PRKN: variants seen among roughly 807,000 people sequenced by gnomAD.
PRKN encodes E3 ubiquitin-protein ligase parkin.
A neutral mutation model predicts 59.5 loss-of-function variants in PRKN; 56 were observed. The observed-to-expected ratio is 0.94, with a 90% CI of 0.76 to 1.18. The LOEUF (loss-of-function observed/expected upper bound fraction) is 1.18. Ranked by LOEUF, PRKN falls within the 50% of genes most tolerant of loss-of-function variation. The pLI is 0.00. For synonymous variants in PRKN, 250 were observed against 222.1 expected (o/e 1.13, Z -1.12); for missense variants, 657 against 596.4 (o/e 1.10, Z -1.06).
chr6:162,312,480 C>A (rs10447369), intron 2 of PRKN, among the ~76,000 whole-genome samples: 60,894 of 151,968 alleles, frequency 0.4, 14,494 homozygotes, highest in Non-Finnish European at 0.53. Context: ...CTCCATCACC[C>A]CAGTCACTGA....
chr6:162,097,983 C>T (rs1779811640), intron 4 of PRKN, among the ~76,000 whole-genome samples: 1 of 152,218 alleles, frequency 6.6e-6, no homozygotes, highest in South Asian at 2.1e-4. Flanking sequence ...CAGCCTCACA[C>T]TGTTAGCAGT....
intron 7 of PRKN, among the ~76,000 whole-genome samples, chr6:161,596,215 T>C (rs1000735164): frequency 6.6e-6 from 1 of 152,112 alleles, no homozygotes; most frequent in African/African-American, 2.4e-5. Context: ...CCTTTGCTTA[T>C]TTTATCTAGA....
intron 4 of PRKN, among the ~76,000 whole-genome samples, chr6:162,144,895 C>T (rs948704588): frequency 2.6e-5 from 4 of 152,010 alleles, no homozygotes; most frequent in African/African-American, 7.3e-5. Context: ...CGAGGATGAA[C>T]GTAAAAGGCC....
At chr6:161,865,744 T>C (rs1481328003) in intron 6 of PRKN, among the ~76,000 whole-genome samples, 1 of 152,224 alleles carries the variant, frequency 6.6e-6, no homozygotes, top group Non-Finnish European at 1.5e-5. Context: ...AAGGGAGTGT[T>C]GTGGCTGGTT....
chr6:161,898,360 C>T (rs568070128), intron 6 of PRKN, among the ~76,000 whole-genome samples: 1 of 152,074 alleles, frequency 6.6e-6, no homozygotes, highest in South Asian at 2.1e-4. Flanking sequence ...CACGAAGGTC[C>T]CACGAGCAAT....
At chr6:162,229,723 T>C (rs1054338550) in intron 3 of PRKN, among the ~76,000 whole-genome samples, 15 of 152,218 alleles carry the variant, frequency 9.9e-5, no homozygotes, top group Non-Finnish European at 2.2e-4. Context: ...CTCTCAACAT[T>C]GCACAGCTAG....
chr6:161,359,404 C>A lies in PRKN; in HGVS notation c.1285+684G>T, dbSNP rs919824599. Among the ~76,000 whole-genome samples, 4 of 152,236 alleles carry A rather than the reference C, an allele frequency of 2.6e-5. No individual in the cohort carries two copies. In the East Asian group the frequency reaches 7.7e-4, roughly 29 times the overall value. On this transcript the variant is annotated intron_variant, in intron 11 of 11. Transcript: ENST00000366898. This position sits in a 1 kb window ranked among gnomAD's most constrained non-coding sequence, Gnocchi z 5.4. The stretch of plus-strand genomic sequence containing the variant: ...GCTCTGGGCAACCTGCCAGCCAGGG[C>A]GTAGCTGATGCTCATTAAGGAGAAG...
chr6:161,495,819 G>A (rs1583152137), intron 9 of PRKN, among the ~76,000 whole-genome samples: 1 of 152,156 alleles, frequency 6.6e-6, no homozygotes, highest in African/African-American at 2.4e-5. Flanking sequence ...CTCTCTTGGT[G>A]GGGTTAGACC....
intron 7 of PRKN, among the ~76,000 whole-genome samples, chr6:161,777,745 A>G (rs1213433724): frequency 5.8e-5 from 8 of 138,814 alleles, no homozygotes; most frequent in Admixed American, 5.1e-4. Context: ...ATATGTATAT[A>G]TAGATATATA....
chr6:162,247,934 C>G (rs1336319397), intron 3 of PRKN, among the ~76,000 whole-genome samples: 3 of 152,138 alleles, frequency 2.0e-5, no homozygotes, highest in Non-Finnish European at 4.4e-5. Context: ...TCTACTCTGA[C>G]AACTACTTTA....
intron 6 of PRKN, among the ~76,000 whole-genome samples, chr6:161,905,267 G>C (rs919827888): frequency 1.1e-4 from 16 of 152,268 alleles, no homozygotes; most frequent in South Asian, 4.1e-4. Flanking sequence ...AACTAACTAC[G>C]TTTGCTGGCT....
At chr6:162,443,556 A>G (rs548991430) in intron 1 of PRKN, 83 bp from the exon 2 acceptor site, 479 of 1,294,880 alleles carry the variant, frequency 3.7e-4, no homozygotes, top group South Asian at 5.3e-4. Flanking sequence ...TTCTCAACCG[A>G]TTTACCCCTC....
chr6:162,136,805 G>T (rs1781577346), intron 4 of PRKN, among the ~76,000 whole-genome samples: 1 of 152,112 alleles, frequency 6.6e-6, no homozygotes, highest in African/African-American at 2.4e-5. Flanking sequence ...AACAAAGCTA[G>T]GGCCTCTGCT....
intron 9 of PRKN, among the ~76,000 whole-genome samples, chr6:161,507,136 A>G (rs1315922756): frequency 6.6e-6 from 1 of 152,182 alleles, no homozygotes; most frequent in Non-Finnish European, 1.5e-5. Context: ...ACCTTCCTGA[A>G]AGATCTGAAC....
At chr6:161,621,530 T>C (rs1782898362) in intron 7 of PRKN, among the ~76,000 whole-genome samples, 1 of 152,074 alleles carries the variant, frequency 6.6e-6, no homozygotes, top group Admixed American at 6.5e-5. Flanking sequence ...TTTTCCTCTA[T>C]ATAGGCCCCC....
intron 1 of PRKN, among the ~76,000 whole-genome samples, chr6:162,551,742 T>C (rs1242555860): frequency 2.6e-5 from 4 of 152,216 alleles, no homozygotes; most frequent in African/African-American, 4.8e-5. Flanking sequence ...TGTGAGCTAC[T>C]TGAAGAAACA....
intron 7 of PRKN, among the ~76,000 whole-genome samples, chr6:161,657,323 C>G (rs748010059): frequency 2.6e-5 from 4 of 152,076 alleles, no homozygotes; most frequent in Non-Finnish European, 5.9e-5. Context: ...CCTATTAGGC[C>G]CTTTTAGACA....
chr6:161,777,621 T>C (rs1030850691), intron 7 of PRKN, among the ~76,000 whole-genome samples: 34 of 148,088 alleles, frequency 2.3e-4, no homozygotes, highest in Non-Finnish European at 5.9e-5. Context: ...ATTTGGAAAA[T>C]GGTTTGCTAA....
chr6:161,577,490 A>T (rs1326332380), intron 7 of PRKN, among the ~76,000 whole-genome samples: 1 of 152,236 alleles, frequency 6.6e-6, no homozygotes, highest in Non-Finnish European at 1.5e-5. Context: ...TGTAGTCTGG[A>T]GAAGGAAAAC....
Sources: gnomAD v4.1 joint callset for allele counts (sites outside exome capture counted in the v4.1 genomes callset) on GRCh38, gnomAD v4.1.1 for gene constraint, Gnocchi (gnomAD v3.1) non-coding constraint, MANE v1.5 for transcripts, NCBI Gene and HGNC (gene_info 2026-07-23, HGNC 2026-07-21) for gene names.